The following VXN variants were observed in gnomAD, a reference collection of about 807,000 sequenced individuals.
VXN encodes the protein vexin, also known as uncharacterized protein C8orf46.
In VXN, 7 loss-of-function variants were observed where a neutral mutation model predicts 23.1. The ratio of observed to expected loss-of-function variants is 0.30; its 90% CI spans 0.17 to 0.57. The LOEUF is 0.57. VXN is among the 20% of genes least tolerant of loss of function. The pLI is 0.91. For missense variants in VXN, 238 were observed against 272.6 expected (o/e 0.87, Z 0.89); for synonymous variants, 120 against 105.8 (o/e 1.13, Z -0.83).
chr8:66,495,951 C>T (rs1807621017), intron 1 of VXN, among the ~76,000 whole-genome samples: 1 of 152,176 alleles, frequency 6.6e-6, no homozygotes, highest in Non-Finnish European at 1.5e-5. Flanking sequence ...CACCATTCTA[C>T]TTTTTGTCCT....
intron 1 of VXN, among the ~76,000 whole-genome samples, chr8:66,494,163 C>T (rs1586513546): frequency 1.3e-5 from 2 of 152,298 alleles, no homozygotes; most frequent in East Asian, 1.9e-4. Flanking sequence ...CCGGTGGCTG[C>T]TTGAAGTCCA....
intron 1 of VXN, chr8:66,494,763 T>C (rs1046286064): frequency 1.3e-5 from 2 of 152,178 alleles, no homozygotes; most frequent in African/African-American, 4.8e-5. Flanking sequence ...AAAGTCCAAG[T>C]TGACCCTCGG....
In VXN at chr8:66,505,639, G is replaced by A. The variant is rs141705039; in HGVS notation, c.280+111G>A. On this transcript the variant is annotated intron_variant, in intron 3 of 5. Transcript: ENST00000305454. Reference sequence around the variant, plus strand: ...GTTGGCGGTGGCTGCGGCCTCAGTCGCGCCAGGTGACCAAGCACCTGTGCT... The same window carrying A: ...GTTGGCGGTGGCTGCGGCCTCAGTCACGCCAGGTGACCAAGCACCTGTGCT... 7.7e-4 allele frequency: 1,005 copies of A among 1,298,788 alleles called. 11 individuals carry two copies. In the African/African-American group the frequency reaches 0.014, roughly 18 times the overall value. The allele number at this position is 1,298,788 out of a possible 1,614,324, so 80.5% of individuals were successfully genotyped here.
intron 2 of VXN, among the ~76,000 whole-genome samples, chr8:66,498,355 G>T (rs1307161700): frequency 1.3e-5 from 2 of 151,936 alleles, no homozygotes; most frequent in Non-Finnish European, 2.9e-5. Context: ...TAATAATAAT[G>T]TCCTTTGAAT....
At chr8:66,500,524 T>C (rs1586516684) in intron 2 of VXN, among the ~76,000 whole-genome samples, 1 of 152,340 alleles carries the variant, frequency 6.6e-6, no homozygotes, top group African/African-American at 2.4e-5. Flanking sequence ...TTCTCTCAGT[T>C]ATACGCCTTT....
Position 66,495,271 on chromosome 8 carries a change from A to G in VXN, c.71-1166A>G, listed in dbSNP as rs978193358. On this transcript the variant is annotated intron_variant, in intron 1 of 5. Transcript: ENST00000305454. ...GTAGAAGGAAATATGAAAATGTTAC[A>G]TGTGTTTATTTTCTATCATTTACTT... 1.3e-4 allele frequency among the ~76,000 whole-genome samples: 20 copies of G among 152,350 alleles called. 1 individual carries two copies. Among genetic ancestry groups the G allele is most frequent in the Admixed American group, 9.8e-4 (15 of 15,298 alleles).
At chr8:66,504,994 A>G (rs1413455315) in intron 2 of VXN, among the ~76,000 whole-genome samples, 1 of 152,264 alleles carries the variant, frequency 6.6e-6, no homozygotes, top group African/African-American at 2.4e-5. Context: ...CTCGATCTCC[A>G]GAACTGTCCT....
At chr8:66,506,461 G>A (rs1430724675) in intron 3 of VXN, among the ~76,000 whole-genome samples, 1 of 151,656 alleles carries the variant, frequency 6.6e-6, no homozygotes, top group Non-Finnish European at 1.5e-5. Flanking sequence ...CCAGGAATCT[G>A]CCTCTAGCCC....
chr8:66,507,749 T>C (rs2130552609), intron 3 of VXN, among the ~76,000 whole-genome samples: 1 of 151,356 alleles, frequency 6.6e-6, no homozygotes, highest in Non-Finnish European at 1.5e-5. Flanking sequence ...TGGGGATTGG[T>C]TCAATTCCTT....
chr8:66,498,379 A>G (rs1807650425), intron 2 of VXN, among the ~76,000 whole-genome samples: 1 of 152,162 alleles, frequency 6.6e-6, no homozygotes. Context: ...ATGGAGTTTT[A>G]CTAGTTGTTG....
rs951431581 is a variant in VXN at position 66,516,397 on chromosome 8, G to A, written c.*321G>A. ...TAAAGACCTCCAAGGAAGGAAAAAAGCAATTCCTCTGTCTTCCTTGTGAGT... is the reference window on the plus strand; with the variant it reads ...TAAAGACCTCCAAGGAAGGAAAAAAACAATTCCTCTGTCTTCCTTGTGAGT... On this transcript the variant is annotated 3_prime_UTR_variant, in exon 6 of 6. Coordinates refer to ENST00000305454, the MANE Select transcript of VXN (RefSeq NM_152765.4). 5.4e-6 allele frequency: 1 copy of A among 185,096 alleles called. No homozygotes were observed. 11.5% of individuals were successfully genotyped at this position (185,096 alleles called of 1,614,324 possible). A position where few individuals can be genotyped will look rare whatever the true frequency, so the allele number is the denominator to read the frequency against.
intron 2 of VXN, among the ~76,000 whole-genome samples, chr8:66,499,221 GT>G (rs759637693): frequency 0.11 from 11,667 of 109,662 alleles, 350 homozygotes; most frequent in African/African-American, 0.21. Flanking sequence ...TATTGGGTTG[GT>G]TTTTTTTTTT....
chr8:66,506,793 T>C (rs533611015), intron 3 of VXN, among the ~76,000 whole-genome samples: 201 of 152,242 alleles, frequency 1.3e-3, no homozygotes, highest in Non-Finnish European at 1.6e-3. Context: ...CATCAAGCTA[T>C]ATTCTCTATT....
At chr8:66,509,174 C>T (rs1046119363) in intron 3 of VXN, among the ~76,000 whole-genome samples, 1 of 152,122 alleles carries the variant, frequency 6.6e-6, no homozygotes, top group African/African-American at 2.4e-5. Context: ...ATTTTATTTG[C>T]ATTGAGGTGT....
intron 3 of VXN, among the ~76,000 whole-genome samples, chr8:66,506,232 AGTGTGTGTGTGTGTGTGTGT>A (rs61613088): frequency 7.1e-6 from 1 of 140,340 alleles, no homozygotes; most frequent in African/African-American, 2.7e-5. Flanking sequence ...AGAGAGAGAC[AGTGTGTGTGTGTGTGTGTGT>A]GTGTGTGTGT....
intron 4 of VXN, among the ~76,000 whole-genome samples, chr8:66,510,818 C>T (rs1213342238): frequency 1.8e-4 from 28 of 152,146 alleles, no homozygotes; most frequent in Non-Finnish European, 2.9e-5. Flanking sequence ...GGGCACTGAT[C>T]TTATCATAGA....
At position 66,518,520 on chromosome 8, in the gene VXN, C is replaced by G. The variant is rs1807921438; in HGVS notation, c.*2444C>G. 6.6e-6 allele frequency: 1 copy of G among 152,122 alleles called. No individual in the cohort carries two copies. The highest frequency in any genetic ancestry group is 6.5e-5 in the Admixed American group (1 of 15,272). The allele number at this position is 152,122 out of a possible 1,614,324, so 9.4% of individuals were successfully genotyped here. ...TTTGTTTGTGACATTCATGCACCAC[C>G]ATAAGAGCATGCCTGAGGCTCCCTT... On this transcript the variant is annotated 3_prime_UTR_variant, in exon 6 of 6. Coordinates refer to ENST00000305454, the MANE Select transcript of VXN (RefSeq NM_152765.4).
At chr8:66,505,116 A>C (rs1807734737) in intron 2 of VXN, 1 of 598,374 alleles carries the variant, frequency 1.7e-6, no homozygotes, top group Non-Finnish European at 3.1e-6. Context: ...CCTGCTGTTG[A>C]GGAACACCCC....
At chr8:66,503,206 C>T (rs569378461) in intron 2 of VXN, among the ~76,000 whole-genome samples, 47 of 152,318 alleles carry the variant, frequency 3.1e-4, no homozygotes, top group Middle Eastern at 3.4e-3. Flanking sequence ...GGCACGAAAC[C>T]ATGGTTCTCA....
Sources: allele counts gnomAD v4.1 joint callset (sites outside exome capture counted in the v4.1 genomes callset), GRCh38; gene constraint gnomAD v4.1.1; transcripts MANE v1.5; gene names NCBI Gene and HGNC (gene_info 2026-07-23, HGNC 2026-07-21).